Variants in SH3BGR observed in about 807,000 individuals in gnomAD.
SH3BGR encodes the protein SH3 domain-binding glutamic acid-rich protein.
SH3BGR carries 29 observed loss-of-function variants against 24.5 expected under a neutral mutation model. That is an observed-to-expected ratio of 1.18 (90% CI 0.88 to 1.61). The LOEUF is 1.61. SH3BGR is among the 40% of genes most tolerant of loss of function. The pLI, the probability that SH3BGR is intolerant of heterozygous loss-of-function variation, is 0.00. For synonymous variants in SH3BGR, 55 were observed against 65.7 expected (o/e 0.84, Z 0.79); for missense variants, 162 against 205.8 (o/e 0.79, Z 1.30).
chr21:39,489,551 A>AG (rs1234861790), intron 3 of SH3BGR, among the ~76,000 whole-genome samples: 1 of 152,166 alleles, frequency 6.6e-6, no homozygotes, highest in East Asian at 1.9e-4. Flanking sequence ...TCAACAGGGC[A>AG]GGGCAGTGAG....
chr21:39,452,108 AGTGTTT>A lies in SH3BGR; in HGVS notation c.15_20del (p.Phe6_Val7del). 6.2e-7 allele frequency: 1 copy of A among 1,614,012 alleles called. No homozygotes were observed. The highest frequency in any genetic ancestry group is 8.5e-7 in the Non-Finnish European group (1 of 1,179,986). Reference sequence around the variant, plus strand: ...TTCCAACTGTCGAAATGGTTATCAAAGTGTTTGTTGCTACATCTTCTGGGTCCATAG... The same window carrying A: ...TTCCAACTGTCGAAATGGTTATCAAAGTTGCTACATCTTCTGGGTCCATAG... On this transcript the variant is annotated inframe_deletion, in exon 1 of 7. Transcript: ENST00000333634.
upstream of SH3BGR, among the ~76,000 whole-genome samples, chr21:39,447,416 CTTTT>C (rs910615975): frequency 8.7e-6 from 1 of 114,708 alleles, no homozygotes; most frequent in African/African-American, 3.4e-5. Context: ...TTCGCTTTTG[CTTTT>C]TTTTTTTTTT....
At chr21:39,492,834 A>G (rs961394019) in intron 3 of SH3BGR, among the ~76,000 whole-genome samples, 1 of 152,172 alleles carries the variant, frequency 6.6e-6, no homozygotes, top group Admixed American at 6.5e-5. Flanking sequence ...GTAAGGTGGT[A>G]TCACATTGTA....
chr21:39,499,979 C>A, intron 4 of SH3BGR, 64 bp downstream of exon 4: 1 of 1,139,710 alleles, frequency 8.8e-7, no homozygotes. Context: ...TTTTACAGGG[C>A]TTGTACAACT....
chr21:39,509,886 A>G (rs1451697030), intron 5 of SH3BGR, among the ~76,000 whole-genome samples: 1 of 152,196 alleles, frequency 6.6e-6, no homozygotes, highest in Non-Finnish European at 1.5e-5. Flanking sequence ...GCACAAGGTC[A>G]TCAACATTAA....
At chr21:39,513,033 A>G (rs1242940441) in intron 6 of SH3BGR, among the ~76,000 whole-genome samples, 1 of 152,172 alleles carries the variant, frequency 6.6e-6, no homozygotes, top group Non-Finnish European at 1.5e-5. Flanking sequence ...TAGTCTTTTT[A>G]TCTCCCATAT....
At chr21:39,478,577 A>G (rs1181902328) in intron 3 of SH3BGR, among the ~76,000 whole-genome samples, 1 of 152,178 alleles carries the variant, frequency 6.6e-6, no homozygotes, top group Non-Finnish European at 1.5e-5. Context: ...GCTCTGAAAA[A>G]CAAAATGTTA....
At chr21:39,447,847 T>TTAGGTTCC (rs535013692), upstream of SH3BGR, among the ~76,000 whole-genome samples, 27 of 152,296 alleles carry the variant, frequency 1.8e-4, no homozygotes, top group East Asian at 4.6e-3. Flanking sequence ...TTTCTCTATA[T>TTAGGTTCC]TAGGTTCCTA....
chr21:39,485,062 G>T (rs2078187876), intron 3 of SH3BGR, among the ~76,000 whole-genome samples: 1 of 152,144 alleles, frequency 6.6e-6, no homozygotes, highest in African/African-American at 2.4e-5. Flanking sequence ...GGCTGTTCTA[G>T]GCCAAGGACC....
chr21:39,487,290 G>T (rs997768574), intron 3 of SH3BGR, among the ~76,000 whole-genome samples: 6 of 152,042 alleles, frequency 3.9e-5, no homozygotes, highest in Non-Finnish European at 8.8e-5. Flanking sequence ...CCGCAGATAT[G>T]CACCACCATG....
At chr21:39,463,248 G>T (rs1250950296) in intron 2 of SH3BGR, among the ~76,000 whole-genome samples, 2 of 152,198 alleles carry the variant, frequency 1.3e-5, no homozygotes, top group African/African-American at 4.8e-5. Flanking sequence ...AGATACATTT[G>T]TGTAACTTTA....
At chr21:39,506,182 C>T (rs146088144) in intron 4 of SH3BGR, among the ~76,000 whole-genome samples, 1 of 152,162 alleles carries the variant, frequency 6.6e-6, no homozygotes, top group African/African-American at 2.4e-5. Context: ...ACAGGTTATG[C>T]CCCCAAACAC....
chr21:39,455,880 C>CT (rs1458108075), intron 1 of SH3BGR, among the ~76,000 whole-genome samples: 1 of 152,144 alleles, frequency 6.6e-6, no homozygotes, highest in Non-Finnish European at 1.5e-5. Flanking sequence ...TTTTCTTCTT[C>CT]TTTTTCTCCT....
chr21:39,480,607 A>G (rs1451618100), intron 3 of SH3BGR, among the ~76,000 whole-genome samples: 4 of 152,182 alleles, frequency 2.6e-5, no homozygotes, highest in South Asian at 4.1e-4. Context: ...GTGGCTGGGT[A>G]TTTGGGTTGT....
At chr21:39,489,773 A>G (rs2078268613) in intron 3 of SH3BGR, among the ~76,000 whole-genome samples, 1 of 152,250 alleles carries the variant, frequency 6.6e-6, no homozygotes, top group Non-Finnish European at 1.5e-5. Context: ...AGAGCAATTA[A>G]GCAGAAGCTT....
intron 3 of SH3BGR, chr21:39,488,391 G>C: frequency 8.8e-6 from 2 of 227,410 alleles, no homozygotes; most frequent in Non-Finnish European, 1.9e-5. Context: ...TGACTGAATG[G>C]GTGATGGCAA....
At chr21:39,509,163 T>C in intron 5 of SH3BGR, 136 bp downstream of exon 5, 1 of 630,346 alleles carries the variant, frequency 1.6e-6, no homozygotes, top group Non-Finnish European at 2.7e-6. Flanking sequence ...AAAATCCTCC[T>C]TTAACATGCT....
At chr21:39,476,871 A>G (rs1051788260) in intron 3 of SH3BGR, among the ~76,000 whole-genome samples, 1 of 152,126 alleles carries the variant, frequency 6.6e-6, no homozygotes, top group Non-Finnish European at 1.5e-5. Flanking sequence ...CTTTGAAATG[A>G]CTTTTTTTTA....
At chr21:39,452,753 C>T (rs534508642) in intron 1 of SH3BGR, among the ~76,000 whole-genome samples, 24 of 152,326 alleles carry the variant, frequency 1.6e-4, no homozygotes, top group Admixed American at 4.6e-4. Context: ...ACCTTCATAA[C>T]CAGTGCTTTG....
Sources: allele counts gnomAD v4.1 joint callset (sites outside exome capture counted in the v4.1 genomes callset), GRCh38; gene constraint gnomAD v4.1.1; transcripts MANE v1.5; gene names NCBI Gene and HGNC (gene_info 2026-07-23, HGNC 2026-07-21).